The following KLF8 variants were observed in gnomAD, a reference collection of about 807,000 sequenced individuals.
KLF8 encodes KLF transcription factor 8, also known as Krueppel-like factor 8.
Under a neutral mutation model 18.2 loss-of-function variants are expected in KLF8, and 10 were observed. The observed-to-expected ratio is 0.55, with a 90% confidence interval of 0.34 to 0.93. The LOEUF is 0.93. Ranked by LOEUF, KLF8 falls within the 40% of genes least tolerant of loss-of-function variation. The pLI is 0.02. For missense variants in KLF8, 264 were observed against 277.9 expected, an observed-to-expected ratio of 0.95 and a Z score of 0.36; for synonymous variants, 109 against 97.3, an observed-to-expected ratio of 1.12 and a Z score of -0.71.
At chrX:56,004,022 A>G in the KLF8 span, among the ~76,000 whole-genome samples, 13 of 111,976 alleles carry the variant, frequency 1.2e-4, no homozygotes, top group Non-Finnish European at 1.9e-5. Context: ...CCTTATTAAT[A>G]TTTTTGCAAG....
At chrX:56,045,843 A>T in the KLF8 span, among the ~76,000 whole-genome samples, 3 of 111,006 alleles carry the variant, frequency 2.7e-5, no homozygotes, top group African/African-American at 9.8e-5. Flanking sequence ...TGACCATATC[A>T]TCAGCAAAGA....
the KLF8 span, among the ~76,000 whole-genome samples, chrX:56,099,154 C>T: frequency 2.0e-4 from 22 of 111,736 alleles, no homozygotes; most frequent in African/African-American, 7.1e-4. Flanking sequence ...ACATCATGTG[C>T]TCATTTTGTG....
At chrX:56,283,278 A>G (rs2067224310) in intron 5 of KLF8, among the ~76,000 whole-genome samples, 1 of 112,248 alleles carries the variant, frequency 8.9e-6, no homozygotes, top group South Asian at 3.7e-4. Context: ...CATGCCCTTG[A>G]GTTTCTAACC....
At chrX:55,930,902 A>G in the KLF8 span, among the ~76,000 whole-genome samples, 2 of 112,137 alleles carry the variant, frequency 1.8e-5, no homozygotes, top group South Asian at 7.5e-4. Context: ...GCCTCATAAA[A>G]TGAGTTAGGG....
At chrX:55,952,423 T>C in the KLF8 span, among the ~76,000 whole-genome samples, 292 of 112,412 alleles carry the variant, frequency 2.6e-3, 1 homozygote, top group Middle Eastern at 4.6e-3. Context: ...AATCAAAGTG[T>C]TGGATACTGC....
the KLF8 span, among the ~76,000 whole-genome samples, chrX:55,980,693 A>T: frequency 8.9e-6 from 1 of 112,070 alleles, no homozygotes; most frequent in Non-Finnish European, 1.9e-5. Context: ...TGGTTAAATC[A>T]ATTGTCCCTA....
chrX:56,017,894 T>G, the KLF8 span, among the ~76,000 whole-genome samples: 1 of 111,737 alleles, frequency 8.9e-6, no homozygotes, highest in African/African-American at 3.3e-5. Context: ...TTTTATTAAT[T>G]TTAAATTCTT....
the KLF8 span, among the ~76,000 whole-genome samples, chrX:56,190,501 A>T: frequency 9.0e-6 from 1 of 111,553 alleles, no homozygotes; most frequent in African/African-American, 3.2e-5. Flanking sequence ...ATTACAGAAC[A>T]TTTCATCCAA....
At chrX:56,196,990 T>G in the KLF8 span, among the ~76,000 whole-genome samples, 1 of 112,234 alleles carries the variant, frequency 8.9e-6, no homozygotes, top group Non-Finnish European at 1.9e-5. Context: ...TGCTCCTGAA[T>G]GACTACTGGG....
chrX:56,145,817 C>T, the KLF8 span, among the ~76,000 whole-genome samples: 1 of 110,698 alleles, frequency 9.0e-6, no homozygotes, highest in Admixed American at 9.6e-5. Flanking sequence ...TCAATCTATC[C>T]ATCTGACAAA....
the KLF8 span, among the ~76,000 whole-genome samples, chrX:55,996,849 G>A: frequency 2.7e-5 from 3 of 112,162 alleles, no homozygotes; most frequent in Admixed American, 2.8e-4. Context: ...TGGCAGCAGT[G>A]GCATGGCAGG....
chrX:56,013,955 C>A, the KLF8 span, among the ~76,000 whole-genome samples: 3 of 111,518 alleles, frequency 2.7e-5, no homozygotes, highest in Non-Finnish European at 3.8e-5. Context: ...AAACTGGACC[C>A]CTTTCTTACA....
chrX:56,123,408 C>A, the KLF8 span, among the ~76,000 whole-genome samples: 4 of 111,427 alleles, frequency 3.6e-5, no homozygotes, highest in East Asian at 8.4e-4. Flanking sequence ...AACCTCTAAA[C>A]TCTTTAAGGT....
the KLF8 span, among the ~76,000 whole-genome samples, chrX:56,147,549 T>C: frequency 5.1e-4 from 57 of 112,544 alleles, no homozygotes; most frequent in African/African-American, 1.8e-3. Context: ...TTCATTTATA[T>C]GAAATATCAA....
the KLF8 span, among the ~76,000 whole-genome samples, chrX:55,952,343 G>C: frequency 8.9e-6 from 1 of 112,519 alleles, no homozygotes; most frequent in Non-Finnish European, 1.9e-5. Flanking sequence ...GCCGTAACAA[G>C]TTACCACAAA....
the KLF8 span, among the ~76,000 whole-genome samples, chrX:56,185,611 G>A: frequency 8.9e-6 from 1 of 111,894 alleles, no homozygotes; most frequent in African/African-American, 3.2e-5. Flanking sequence ...AAAATGTTAA[G>A]AGCAGCCAGA....
At chrX:56,266,504 A>T (rs1020709950) in intron 3 of KLF8, 6 of 749,983 alleles carry the variant, frequency 8.0e-6, no homozygotes, top group Non-Finnish European at 7.9e-6. Context: ...AGATAATTTG[A>T]TGAACAAACA....
At chrX:56,252,368 C>A (rs1162935525) in intron 2 of KLF8, among the ~76,000 whole-genome samples, 2 of 111,708 alleles carry the variant, frequency 1.8e-5, no homozygotes, top group East Asian at 5.6e-4. Context: ...CTCCTCAACA[C>A]CCCACTGCCC....
chrX:56,222,930 T>C, the KLF8 span, among the ~76,000 whole-genome samples: 1 of 112,319 alleles, frequency 8.9e-6, no homozygotes. Context: ...CGCCTGTGCC[T>C]CTCCCTCCAC....
Sources: gnomAD v4.1 joint callset for allele counts (sites outside exome capture counted in the v4.1 genomes callset) on GRCh38, gnomAD v4.1.1 for gene constraint, MANE v1.5 for transcripts, NCBI Gene and HGNC (gene_info 2026-07-23, HGNC 2026-07-21) for gene names.